The following LRP1B variants were observed in gnomAD, a reference collection of about 807,000 sequenced individuals.
The protein encoded by LRP1B is LDL receptor related protein 1B, also known as low-density lipoprotein receptor-related protein 1B.
LRP1B carries 217 observed loss-of-function variants against 556.6 expected under a neutral mutation model. The ratio of observed to expected loss-of-function variants is 0.39; its 90% CI spans 0.35 to 0.44. The LOEUF (loss-of-function observed/expected upper bound fraction) is 0.44. LRP1B is among the 20% of genes least tolerant of loss of function. The pLI, the probability that LRP1B is intolerant of heterozygous loss-of-function variation, is 1.00. For missense variants in LRP1B, 5,053 were observed against 5,620.8 expected (o/e 0.90, Z 3.23); for synonymous variants, 2,047 against 1,865.8 (o/e 1.10, Z -2.50).
At chr2:140,795,384 A>C (rs1018396494) in intron 32 of LRP1B, among the ~76,000 whole-genome samples, 1 of 152,150 alleles carries the variant, frequency 6.6e-6, no homozygotes, top group African/African-American at 2.4e-5. Context: ...AAAAACCTTA[A>C]AGCATAGTAT....
At chr2:140,345,214 A>C (rs1268885077) in intron 77 of LRP1B, among the ~76,000 whole-genome samples, 2 of 151,798 alleles carry the variant, frequency 1.3e-5, no homozygotes, top group African/African-American at 4.8e-5. Context: ...TTTCTAAATG[A>C]GTAGGAAATC....
chr2:140,564,416 A>G (rs907101140), intron 43 of LRP1B, among the ~76,000 whole-genome samples: 1 of 152,156 alleles, frequency 6.6e-6, no homozygotes, highest in African/African-American at 2.4e-5. Context: ...TTAATCAAAT[A>G]TATCATATAA....
Position 140,948,080 on chromosome 2 carries a change from C to G in LRP1B, c.3136+2155G>C, listed in dbSNP as rs531251386. 5.7e-4 allele frequency among the ~76,000 whole-genome samples: 86 copies of G among 152,200 alleles called. No individual in the cohort carries two copies. The South Asian group carries it at 0.018, about 31-fold the overall frequency. ...ACTTTGGACACTCATGAGGGAAAAG[C>G]AATCTTTTAAAAATTTCATAATATG... On this transcript the variant is annotated intron_variant, in intron 20 of 90. Transcript: ENST00000389484.
intron 1 of LRP1B, among the ~76,000 whole-genome samples, chr2:141,987,576 T>C (rs1702231628): frequency 6.6e-6 from 1 of 151,056 alleles, no homozygotes; most frequent in Admixed American, 6.6e-5. Flanking sequence ...TTCTTTTTTC[T>C]TTTTCTCTCT....
chr2:141,909,536 T>A (rs1318176754), intron 1 of LRP1B, among the ~76,000 whole-genome samples: 4 of 48,516 alleles, frequency 8.2e-5, no homozygotes, highest in South Asian at 9.3e-4. Flanking sequence ...ATTTTTTTTT[T>A]TTTTTTTTTT....
chr2:142,114,964 C>A (rs920659187), intron 1 of LRP1B, among the ~76,000 whole-genome samples: 1 of 152,158 alleles, frequency 6.6e-6, no homozygotes, highest in Admixed American at 6.6e-5. Flanking sequence ...CAGTTTCAAT[C>A]ATTACACATT....
At chr2:141,819,454 C>T (rs949036919) in intron 1 of LRP1B, among the ~76,000 whole-genome samples, 1 of 152,124 alleles carries the variant, frequency 6.6e-6, no homozygotes, top group Admixed American at 6.5e-5. Context: ...TTCAGGGCTA[C>T]AGGACACTAT....
chr2:140,722,904 A>G (rs1687465023), intron 35 of LRP1B, among the ~76,000 whole-genome samples: 1 of 151,990 alleles, frequency 6.6e-6, no homozygotes, highest in East Asian at 1.9e-4. Flanking sequence ...TTAGCCGGGC[A>G]TGTTGGCGGG....
intron 2 of LRP1B, among the ~76,000 whole-genome samples, chr2:141,657,677 G>T (rs567422481): frequency 1.3e-5 from 2 of 152,194 alleles, no homozygotes; most frequent in East Asian, 3.9e-4. Flanking sequence ...ATCCTTGCAG[G>T]CTGTCCAACA....
intron 1 of LRP1B, among the ~76,000 whole-genome samples, chr2:141,821,115 A>C (rs995981250): frequency 6.6e-5 from 10 of 152,206 alleles, no homozygotes; most frequent in Non-Finnish European, 1.3e-4. Context: ...AACAGCTGGG[A>C]AGGACAGGGA....
In LRP1B at chr2:140,839,994, C is replaced by T. The variant is rs1692048950; in HGVS notation, c.5206G>A (p.Val1736Ile). ...KILFQNQKEPVGLSIDYVENK... is the reference protein window; with the variant it reads ...KILFQNQKEPIGLSIDYVENK... ...GACTATTAAAAAAAATACTTACCAA[C>T]TGGCTCCTTCTGATTCTGAAACAGA... The change falls in exon 31 of 91, where the codon GTT (valine) becomes ATT (isoleucine). Residue 1736 changes from valine to isoleucine, a missense_variant. By Grantham distance (29) the Val-to-Ile change is conservative. Around this residue, in one of 5 missense-constraint regions of LRP1B, gnomAD observed 3,619 missense variants for 3,931.9 expected, o/e 0.92. Transcript: ENST00000389484. The T allele has an allele frequency of 1.2e-6, 2 of 1,604,038 alleles. No individual in the cohort carries two copies. Among genetic ancestry groups the T allele is most frequent in the Non-Finnish European group, 1.7e-6 (2 of 1,174,714 alleles).
chr2:141,893,212 T>C (rs917452159), intron 1 of LRP1B, among the ~76,000 whole-genome samples: 2 of 152,288 alleles, frequency 1.3e-5, no homozygotes, highest in South Asian at 4.1e-4. Context: ...GACAGGTGAT[T>C]TTTTTGAGAA....
Position 141,051,503 on chromosome 2 carries a change from A to AT in LRP1B, c.1553-2282dup, listed in dbSNP as rs1468562320. On this transcript the variant is annotated intron_variant, in intron 10 of 90. Coordinates refer to ENST00000389484, the MANE Select transcript of LRP1B (RefSeq NM_018557.3). ...GATACAGATGAAGCTAGAAGCAATC[A>AT]TTCTCAGCAAATTAGCACACAAACT... 1.1e-4 allele frequency among the ~76,000 whole-genome samples: 17 copies of AT among 152,196 alleles called. No individual in the cohort carries two copies. In the South Asian group the frequency reaches 3.3e-3, roughly 30 times the overall value.
chr2:141,802,604 G>T (rs1385651586), intron 2 of LRP1B, among the ~76,000 whole-genome samples: 1 of 152,010 alleles, frequency 6.6e-6, no homozygotes, highest in Non-Finnish European at 1.5e-5. Context: ...TAGAATGATG[G>T]AAGACATGGG....
At chr2:140,297,373 A>G (rs1175938854) in intron 84 of LRP1B, among the ~76,000 whole-genome samples, 1 of 152,160 alleles carries the variant, frequency 6.6e-6, no homozygotes, top group East Asian at 1.9e-4. Flanking sequence ...AGGGAACTAC[A>G]TAGAAAGCCT....
intron 79 of LRP1B, among the ~76,000 whole-genome samples, chr2:140,329,343 G>T (rs963052678): frequency 2.0e-5 from 3 of 152,072 alleles, no homozygotes; most frequent in African/African-American, 7.2e-5. Context: ...CACAGACAAA[G>T]ATGCCCTCTC....
At chr2:141,843,073 T>G (rs1697531909) in intron 1 of LRP1B, among the ~76,000 whole-genome samples, 1 of 152,102 alleles carries the variant, frequency 6.6e-6, no homozygotes, top group African/African-American at 2.4e-5. Flanking sequence ...GTAGTTTTAG[T>G]CCAATTGAAG....
intron 72 of LRP1B, among the ~76,000 whole-genome samples, chr2:140,360,477 C>T (rs1400431754): frequency 6.6e-6 from 1 of 151,512 alleles, no homozygotes; most frequent in Non-Finnish European, 1.5e-5. Context: ...TTTCTATTTT[C>T]TAAAATAAAC....
chr2:142,013,826 A>G (rs1260892814), intron 1 of LRP1B, among the ~76,000 whole-genome samples: 4 of 152,168 alleles, frequency 2.6e-5, no homozygotes, highest in Admixed American at 6.5e-5. Context: ...GTGAGGGATA[A>G]GAAAATGAGC....
Sources: allele counts gnomAD v4.1 joint callset (sites outside exome capture counted in the v4.1 genomes callset), GRCh38; gene constraint gnomAD v4.1.1; regional missense constraint gnomAD v4.1.1; transcripts MANE v1.5; gene names NCBI Gene and HGNC (gene_info 2026-07-23, HGNC 2026-07-21).